The following TAS2R1 variants were observed in gnomAD, a reference collection of about 807,000 sequenced individuals.
TAS2R1 encodes taste receptor type 2 member 1.
For synonymous variants in TAS2R1, 141 were observed against 134.2 expected (o/e 1.05, Z -0.35); for missense variants, 370 against 353.4 (o/e 1.05, Z -0.38).
chr5:9,725,170 T>G, the TAS2R1 span, among the ~76,000 whole-genome samples: 1 of 152,240 alleles, frequency 6.6e-6, no homozygotes, highest in Non-Finnish European at 1.5e-5. Context: ...GAGCCCTTGC[T>G]CGCTCTGGGC....
the TAS2R1 span, among the ~76,000 whole-genome samples, chr5:9,802,105 G>A: frequency 1.6e-4 from 25 of 152,254 alleles, no homozygotes; most frequent in Admixed American, 7.2e-4. Flanking sequence ...CCACCTACTG[G>A]CTGGCAGCCA....
the TAS2R1 span, among the ~76,000 whole-genome samples, chr5:9,898,530 C>G: frequency 6.6e-6 from 1 of 152,200 alleles, no homozygotes; most frequent in African/African-American, 2.4e-5. Flanking sequence ...CCAGATGGCA[C>G]ATCACCATGA....
At chr5:9,649,375 T>C (rs952744949) in intron 2 of TAS2R1, among the ~76,000 whole-genome samples, 1 of 152,194 alleles carries the variant, frequency 6.6e-6, no homozygotes, top group Non-Finnish European at 1.5e-5. Flanking sequence ...AAGAAAATAT[T>C]TAGTAAAAGT....
the TAS2R1 span, among the ~76,000 whole-genome samples, chr5:9,843,722 C>A: frequency 2.0e-4 from 30 of 152,300 alleles, no homozygotes; most frequent in Non-Finnish European, 4.0e-4. Flanking sequence ...GAGGAGATGG[C>A]TGGGTACCAG....
chr5:9,875,767 G>A, the TAS2R1 span, among the ~76,000 whole-genome samples: 1 of 151,318 alleles, frequency 6.6e-6, no homozygotes, highest in Non-Finnish European at 1.5e-5. Context: ...CTCCCTCCGA[G>A]TAGGTTAGAA....
At chr5:9,795,334 C>T in the TAS2R1 span, among the ~76,000 whole-genome samples, 1 of 152,056 alleles carries the variant, frequency 6.6e-6, no homozygotes, top group African/African-American at 2.4e-5. Context: ...GACTTTTTCC[C>T]CTTGGGGCTA....
At chr5:9,775,385 G>A in the TAS2R1 span, among the ~76,000 whole-genome samples, 8 of 152,110 alleles carry the variant, frequency 5.3e-5, no homozygotes, top group African/African-American at 1.9e-4. Flanking sequence ...CCAACTTCTG[G>A]AACTGGGGAC....
intron 1 of TAS2R1, among the ~76,000 whole-genome samples, chr5:9,706,869 G>A (rs1028238961): frequency 2.0e-5 from 3 of 152,156 alleles, no homozygotes; most frequent in Admixed American, 2.0e-4. Flanking sequence ...CCCCCGACAG[G>A]GCAGGGCTGG....
chr5:9,901,759 A>G, the TAS2R1 span, among the ~76,000 whole-genome samples: 2 of 152,186 alleles, frequency 1.3e-5, no homozygotes, highest in Non-Finnish European at 2.9e-5. Context: ...GAAGACTGGA[A>G]GTCAGATTGT....
chr5:9,763,043 A>G, the TAS2R1 span, among the ~76,000 whole-genome samples: 3 of 152,262 alleles, frequency 2.0e-5, no homozygotes, highest in Admixed American at 6.5e-5. Flanking sequence ...AAAACAGAAG[A>G]TAATTACTGA....
chr5:9,734,748 C>G, the TAS2R1 span, among the ~76,000 whole-genome samples: 1 of 152,022 alleles, frequency 6.6e-6, no homozygotes, highest in Non-Finnish European at 1.5e-5. Flanking sequence ...GGACTTAAAG[C>G]CAGGCCACCT....
the TAS2R1 span, among the ~76,000 whole-genome samples, chr5:9,825,884 A>G: frequency 5.3e-5 from 8 of 152,184 alleles, no homozygotes; most frequent in East Asian, 1.5e-3. Flanking sequence ...AAGCGATTCC[A>G]GACTCATTTT....
At chr5:9,633,991 G>A (rs1739923756), upstream of TAS2R1, among the ~76,000 whole-genome samples, 1 of 151,956 alleles carries the variant, frequency 6.6e-6, no homozygotes, top group Non-Finnish European at 1.5e-5. Context: ...ATTTGCTTTT[G>A]GGTTCTTGGT....
the TAS2R1 span, among the ~76,000 whole-genome samples, chr5:9,754,442 G>A: frequency 6.6e-6 from 1 of 152,136 alleles, no homozygotes; most frequent in Non-Finnish European, 1.5e-5. Context: ...ATTCAATTAG[G>A]AAAAGAGGAA....
the TAS2R1 span, among the ~76,000 whole-genome samples, chr5:9,824,982 A>G: frequency 6.6e-6 from 1 of 152,288 alleles, no homozygotes; most frequent in East Asian, 1.9e-4. Flanking sequence ...CTTGCACTGT[A>G]AGATACAGCC....
At chr5:9,847,618 C>A in the TAS2R1 span, among the ~76,000 whole-genome samples, 1 of 152,244 alleles carries the variant, frequency 6.6e-6, no homozygotes, top group Non-Finnish European at 1.5e-5. Context: ...GCCAATGTCA[C>A]ATGGAAGCTT....
chr5:9,799,184 A>G, the TAS2R1 span, among the ~76,000 whole-genome samples: 1 of 152,236 alleles, frequency 6.6e-6, no homozygotes, highest in Non-Finnish European at 1.5e-5. Flanking sequence ...TTTTTAGGAC[A>G]TTAAAACTGC....
the TAS2R1 span, among the ~76,000 whole-genome samples, chr5:9,747,591 G>A: frequency 6.6e-6 from 1 of 152,074 alleles, no homozygotes; most frequent in Non-Finnish European, 1.5e-5. Flanking sequence ...CATAAGGATG[G>A]CACCAAATTA....
chr5:9,845,420 C>G, the TAS2R1 span, among the ~76,000 whole-genome samples: 1 of 152,096 alleles, frequency 6.6e-6, no homozygotes, highest in South Asian at 2.1e-4. Context: ...ATGATATTTG[C>G]TGGATAAATT....
Sources: allele counts gnomAD v4.1 joint callset (sites outside exome capture counted in the v4.1 genomes callset), GRCh38; gene constraint gnomAD v4.1.1; transcripts MANE v1.5; gene names NCBI Gene and HGNC (gene_info 2026-07-23, HGNC 2026-07-21).